TTC6: variants seen among roughly 807,000 people sequenced by gnomAD.
The protein encoded by TTC6 is tetratricopeptide repeat protein 6.
TTC6 carries 172 observed loss-of-function variants against 210.4 expected under a neutral mutation model. The observed-to-expected ratio is 0.82, with a 90% CI of 0.72 to 0.93. The LOEUF is 0.93. TTC6 is among the 40% of genes least tolerant of loss of function. The pLI is 0.00. For synonymous variants in TTC6, 804 were observed against 819.6 expected (o/e 0.98, Z 0.32); for missense variants, 2,414 against 2,318.1 (o/e 1.04, Z -0.85).
chr14:37,660,219 G>T (rs1266228075), intron 1 of TTC6, among the ~76,000 whole-genome samples: 1 of 148,548 alleles, frequency 6.7e-6, no homozygotes, highest in Non-Finnish European at 1.5e-5. Context: ...GTCTTCCAGG[G>T]TTTTTTTTTT....
intron 5 of TTC6, among the ~76,000 whole-genome samples, chr14:37,701,980 TCTC>T (rs2095826286): frequency 6.6e-6 from 1 of 152,174 alleles, no homozygotes; most frequent in South Asian, 2.1e-4. Flanking sequence ...TGGAGTTTGT[TCTC>T]CTTCTCCTTG....
rs202231352 is a variant in TTC6, at chr14:37,608,279, G to GTT, written c.-155+1544_-155+1545dup. ...GCCTTTTATGGTTTAGCGCTTACAAGTTTTTTTTGTGTGTGTGTGTGTGTG... is the reference window on the plus strand; with the variant it reads ...GCCTTTTATGGTTTAGCGCTTACAAGTTTTTTTTTTGTGTGTGTGTGTGTGTG... On this transcript the variant is annotated intron_variant, in intron 2 of 2. Coordinates refer to the TTC6 transcript ENST00000556845. 3.5e-3 allele frequency among the ~76,000 whole-genome samples: 535 copies of GTT among 150,936 alleles called. 2 individuals are homozygous for GTT. The highest frequency in any genetic ancestry group is 0.011 in the East Asian group (57 of 5,168).
intron 5 of TTC6, among the ~76,000 whole-genome samples, chr14:37,707,148 T>C: frequency 6.6e-6 from 1 of 152,204 alleles, no homozygotes; most frequent in South Asian, 2.1e-4. Flanking sequence ...TATTTGCATG[T>C]AATATTTTTC....
chr14:37,626,438 A>G (rs1161883070), intron 1 of TTC6, among the ~76,000 whole-genome samples: 1 of 152,230 alleles, frequency 6.6e-6, no homozygotes, highest in Non-Finnish European at 1.5e-5. Context: ...CAAATAACAT[A>G]CAGTCTACAA....
chr14:37,716,514 G>A (rs2095853001), intron 6 of TTC6, among the ~76,000 whole-genome samples: 1 of 152,018 alleles, frequency 6.6e-6, no homozygotes, highest in African/African-American at 2.4e-5. Flanking sequence ...ACCATTCAAA[G>A]AAAAGTGGGA....
intron 6 of TTC6, among the ~76,000 whole-genome samples, chr14:37,724,660 T>C (rs2095868123): frequency 1.3e-5 from 2 of 152,196 alleles, no homozygotes; most frequent in South Asian, 2.1e-4. Flanking sequence ...CTACTAGATA[T>C]GGCCAATTGG....
intron 1 of TTC6, 139 bp from the exon 2 acceptor site, chr14:37,606,524 G>A (rs1202967143): frequency 1.3e-5 from 2 of 154,822 alleles, no homozygotes; most frequent in African/African-American, 2.4e-5. Context: ...GCTCTCGCCA[G>A]TCTCTGTTAA....
At chr14:37,717,757 AAAAGAAAGAAAG>A (rs531684744) in intron 6 of TTC6, among the ~76,000 whole-genome samples, 1 of 152,036 alleles carries the variant, frequency 6.6e-6, no homozygotes, top group Non-Finnish European at 1.5e-5. Context: ...AAAAAAACAA[AAAAGAAAGAAAG>A]AAAGAAAGAA....
intron 4 of TTC6, among the ~76,000 whole-genome samples, chr14:37,700,138 G>T (rs1253600823): frequency 6.6e-6 from 1 of 152,118 alleles, no homozygotes; most frequent in African/African-American, 2.4e-5. Context: ...TTGATGAAAA[G>T]AAGGTCATTT....
chr14:37,606,482 G>A (rs1415205665), intron 1 of TTC6, among the ~76,000 whole-genome samples, 181 bp from the exon 2 acceptor site: 1 of 152,100 alleles, frequency 6.6e-6, no homozygotes, highest in Non-Finnish European at 1.5e-5. Context: ...TGTCTCTACA[G>A]TCCCATCAGC....
chr14:37,755,264 G>A (rs560445468), intron 14 of TTC6, among the ~76,000 whole-genome samples: 1 of 152,104 alleles, frequency 6.6e-6, no homozygotes, highest in Admixed American at 6.5e-5. Context: ...GTTCCTTGTA[G>A]ATTCTGGATA....
chr14:37,770,341 C>A (rs1011334801), intron 14 of TTC6, among the ~76,000 whole-genome samples: 20 of 152,068 alleles, frequency 1.3e-4, no homozygotes, highest in Non-Finnish European at 8.8e-5. Context: ...GAGCTGAGTT[C>A]AATTCCTGGG....
At chr14:37,714,683 G>A in exon 6 of TTC6, 1 of 1,535,468 alleles carries the variant, frequency 6.5e-7, no homozygotes, top group South Asian at 1.2e-5. Context: ...TGTTATGGAT[G>A]ACAACCAAGA....
intron 29 of TTC6, among the ~76,000 whole-genome samples, 171 bp downstream of exon 31, chr14:37,827,537 T>C (rs1235940944): frequency 1.3e-5 from 2 of 152,082 alleles, no homozygotes; most frequent in Non-Finnish European, 2.9e-5. Flanking sequence ...CCATTAAATA[T>C]TTATGCCTCT....
chr14:37,760,517 G>A lies in TTC6; in HGVS notation c.3266+7282G>A, dbSNP rs1315803293. On this transcript the variant is annotated intron_variant, in intron 14 of 30. Transcript: ENST00000553443. Reference sequence around the variant, plus strand: ...AGGAGGCAGTCTGTCCCTTAGCAGAGCTCAAGTGCTGTGCTGTTAGAATCT... The same window carrying A: ...AGGAGGCAGTCTGTCCCTTAGCAGAACTCAAGTGCTGTGCTGTTAGAATCT... Among the ~76,000 whole-genome samples, 4 of 152,308 alleles carry A rather than the reference G, an allele frequency of 2.6e-5. No individual in the cohort carries two copies. In the East Asian group the frequency reaches 7.7e-4, roughly 29 times the overall value.
chr14:37,832,920 T>C (rs1359410543), intron 29 of TTC6, among the ~76,000 whole-genome samples: 1 of 152,032 alleles, frequency 6.6e-6, no homozygotes, highest in African/African-American at 2.4e-5. Context: ...TAGCTGTGTG[T>C]GGTGGTGCAT....
At chr14:37,673,565 C>G (rs1277841049) in intron 1 of TTC6, among the ~76,000 whole-genome samples, 2 of 152,230 alleles carry the variant, frequency 1.3e-5, no homozygotes, top group East Asian at 3.9e-4. Flanking sequence ...TCTACTCCTC[C>G]TTTTAATGAT....
intron 7 of TTC6, among the ~76,000 whole-genome samples, chr14:37,734,072 A>G (rs745612776): frequency 8.5e-5 from 13 of 152,166 alleles, no homozygotes; most frequent in Non-Finnish European, 1.5e-4. Context: ...ATTTTAAGGA[A>G]ACATTTGAGA....
At position 37,779,735 on chromosome 14, in the gene TTC6, A is replaced by G. The variant is rs936039926; in HGVS notation, c.3267-7733A>G. ...TGTTATTGGTCTATTCTGGTTATCT[A>G]CTTCTTCAATTGAAGGGACATTACT... On this transcript the variant is annotated intron_variant, in intron 14 of 30. Transcript: ENST00000553443. 5.9e-5 allele frequency among the ~76,000 whole-genome samples: 9 copies of G among 152,174 alleles called. No individual in the cohort carries two copies. In the South Asian group the frequency reaches 6.2e-4, roughly 11 times the overall value.
Sources: gnomAD v4.1 joint callset for allele counts (sites outside exome capture counted in the v4.1 genomes callset) on GRCh38, gnomAD v4.1.1 for gene constraint, MANE v1.5 for transcripts, NCBI Gene and HGNC (gene_info 2026-07-23, HGNC 2026-07-21) for gene names.